DEGS2: variants seen among roughly 807,000 people sequenced by gnomAD.
DEGS2 encodes sphingolipid delta(4)-desaturase/C4-monooxygenase DES2.
DEGS2 carries 19 observed loss-of-function variants against 23.8 expected under a neutral mutation model. That is an observed-to-expected ratio of 0.80 (90% CI 0.56 to 1.17). The LOEUF is 1.17. DEGS2 is among the 50% of genes most tolerant of loss of function. The pLI is 0.00. For synonymous variants in DEGS2, 218 were observed against 213.7 expected, an observed-to-expected ratio of 1.02 and a Z score of -0.18; for missense variants, 390 against 459.5, an observed-to-expected ratio of 0.85 and a Z score of 1.38.
At chr14:100,166,337 GCCT>G in the DEGS2 span, among the ~76,000 whole-genome samples, 45 of 51,342 alleles carry the variant, frequency 8.8e-4, 4 homozygotes, top group East Asian at 0.011. Flanking sequence ...CTGTGGGGGA[GCCT>G]GCCCGGGGCT....
At chr14:100,151,194 C>G (rs1889566024) in intron 1 of DEGS2, among the ~76,000 whole-genome samples, 1 of 152,206 alleles carries the variant, frequency 6.6e-6, no homozygotes, top group Non-Finnish European at 1.5e-5. Flanking sequence ...GTGGAGTGGC[C>G]AGCACATTAG....
At chr14:100,166,216 TGGGGGAAG>T in the DEGS2 span, among the ~76,000 whole-genome samples, 1 of 49,176 alleles carries the variant, frequency 2.0e-5, no homozygotes, top group East Asian at 7.0e-4. Flanking sequence ...TCTGGGGGAG[TGGGGGAAG>T]CCCATCCAGG....
At chr14:100,149,756 C>T in intron 1 of DEGS2, 46 bp from the exon 2 acceptor site, 1 of 1,538,852 alleles carries the variant, frequency 6.5e-7, no homozygotes, top group South Asian at 1.2e-5. Context: ...GGTGGGGCTG[C>T]ACCCCGCCCT....
upstream of DEGS2, among the ~76,000 whole-genome samples, chr14:100,163,730 T>C (rs1889775440): frequency 6.6e-6 from 1 of 152,198 alleles, no homozygotes; most frequent in Non-Finnish European, 1.5e-5. Flanking sequence ...ATTTTATTAT[T>C]ACTTTTTAAA....
At chr14:100,155,775 T>C (rs1309892642) in intron 1 of DEGS2, 2 of 152,222 alleles carry the variant, frequency 1.3e-5, no homozygotes, top group East Asian at 1.9e-4. Context: ...ATTTCCTCTT[T>C]TGTTTTTCTT....
chr14:100,146,417 G>T lies in DEGS2; in HGVS notation c.*344C>A. 3.9e-6 allele frequency: 1 copy of T among 258,348 alleles called. No individual in the cohort carries two copies. Among genetic ancestry groups the T allele is most frequent in the East Asian group, 1.1e-4 (1 of 9,100 alleles). 16.0% of individuals were successfully genotyped at this position (258,348 alleles called of 1,614,324 possible). ...ACCCCCTCAGAAGCACAATCCATGG[G>T]CTGTGAAACAAACGCCGGGTTTAAT... is the stretch of plus-strand genomic sequence containing the variant. On this transcript the variant is annotated 3_prime_UTR_variant, in exon 3 of 3. Coordinates refer to ENST00000305631, the MANE Select transcript of DEGS2 (RefSeq NM_206918.3).
intron 1 of DEGS2, among the ~76,000 whole-genome samples, chr14:100,157,943 CG>C (rs1369826976): frequency 2.0e-5 from 3 of 151,678 alleles, no homozygotes; most frequent in South Asian, 4.2e-4. Flanking sequence ...CAAAATTAGC[CG>C]GGTGTGGTGG....
intron 2 of DEGS2, among the ~76,000 whole-genome samples, 199 bp downstream of exon 2, chr14:100,148,769 C>T (rs1889502957): frequency 6.6e-6 from 1 of 152,268 alleles, no homozygotes; most frequent in African/African-American, 2.4e-5. Context: ...CCTGAATTTG[C>T]TTCAGCCTCC....
intron 1 of DEGS2, among the ~76,000 whole-genome samples, chr14:100,153,923 G>A (rs998923897): frequency 2.0e-5 from 3 of 152,190 alleles, no homozygotes; most frequent in Non-Finnish European, 2.9e-5. Context: ...GGCCCACCAA[G>A]GTGCAACAAG....
At chr14:100,150,159 G>A (rs1158232417) in intron 1 of DEGS2, among the ~76,000 whole-genome samples, 1 of 152,208 alleles carries the variant, frequency 6.6e-6, no homozygotes, top group Non-Finnish European at 1.5e-5. Context: ...GTCAGGCAGG[G>A]CAAGGAGGAC....
upstream of DEGS2, chr14:100,160,184 A>C (rs1595281408): frequency 6.6e-6 from 1 of 152,212 alleles, no homozygotes; most frequent in Non-Finnish European, 1.5e-5. Context: ...CAATAATGCA[A>C]AGGGGAGATA....
At chr14:100,166,360 G>A in the DEGS2 span, among the ~76,000 whole-genome samples, 1 of 98,144 alleles carries the variant, frequency 1.0e-5, no homozygotes, top group Non-Finnish European at 2.1e-5. Flanking sequence ...TGTGGGGGGA[G>A]CCTGCCCGGG....
chr14:100,159,441 A>T (rs1889712887), intron 1 of DEGS2, 65 bp downstream of exon 1: 30 of 1,304,176 alleles, frequency 2.3e-5, no homozygotes, highest in Non-Finnish European at 3.0e-5. Flanking sequence ...GCTCGACCCC[A>T]CGACGCGACT....
At chr14:100,161,350 G>C (rs945327622), upstream of DEGS2, among the ~76,000 whole-genome samples, 4 of 152,160 alleles carry the variant, frequency 2.6e-5, no homozygotes, top group African/African-American at 9.7e-5. Context: ...CAGAGGACAT[G>C]CTGAAGAAGA....
At chr14:100,153,110 G>A (rs1462600794) in intron 1 of DEGS2, among the ~76,000 whole-genome samples, 2 of 152,014 alleles carry the variant, frequency 1.3e-5, no homozygotes, top group African/African-American at 2.4e-5. Context: ...TTAAAAATCA[G>A]CCAGGTGTGG....
chr14:100,163,770 A>G (rs1187717571), upstream of DEGS2, among the ~76,000 whole-genome samples: 1 of 152,228 alleles, frequency 6.6e-6, no homozygotes, highest in Non-Finnish European at 1.5e-5. Context: ...ATCCAGGTGA[A>G]GTGCAGTGGT....
chr14:100,147,394 A>C (rs1889468942), intron 2 of DEGS2, among the ~76,000 whole-genome samples: 1 of 152,116 alleles, frequency 6.6e-6, no homozygotes, highest in Admixed American at 6.5e-5. Context: ...CCTGAGTCCT[A>C]CCAGGCCACA....
In DEGS2 at chr14:100,146,923, C is replaced by A. The variant is rs112184601; in HGVS notation, c.826-16G>T. 1.2e-4 allele frequency: 192 copies of A among 1,607,300 alleles called. 1 individual carries two copies. Among genetic ancestry groups the A allele is most frequent in the Middle Eastern group, 3.3e-4 (2 of 6,028 alleles). On this transcript the variant is annotated splice_polypyrimidine_tract_variant and intron_variant, in intron 2 of 2. Transcript: ENST00000305631. ...TCTTCCGCACCTGTAGAGAGGAGGGCGGGGCTCAGGGGCTGGTTCTCCTCG... is the reference window on the plus strand; with the variant it reads ...TCTTCCGCACCTGTAGAGAGGAGGGAGGGGCTCAGGGGCTGGTTCTCCTCG...
At position 100,144,160 on chromosome 14, in the gene DEGS2, C is replaced by T. The variant is rs938832001; in HGVS notation, c.*2601G>A. ...TGTCCAGGCACAGCTCCGTCCCCAG[C>T]GCTCATGGTGTTGAAACTGTCTGTC... On this transcript the variant is annotated 3_prime_UTR_variant, in exon 3 of 3. Coordinates refer to ENST00000305631, the MANE Select transcript of DEGS2 (RefSeq NM_206918.3). The T allele has an allele frequency of 1.9e-4, 38 of 204,142 alleles. No individual in the cohort carries two copies. The Admixed American group carries it at 2.0e-3, about 11-fold the overall frequency. 12.6% of individuals were successfully genotyped at this position (204,142 alleles called of 1,614,324 possible).
Sources: allele counts gnomAD v4.1 joint callset (sites outside exome capture counted in the v4.1 genomes callset), GRCh38; gene constraint gnomAD v4.1.1; transcripts MANE v1.5; gene names NCBI Gene and HGNC (gene_info 2026-07-23, HGNC 2026-07-21).